Variants in RAB27A observed in about 807,000 individuals in gnomAD.
RAB27A encodes ras-related protein Rab-27A.
Under a neutral mutation model 20.8 loss-of-function variants are expected in RAB27A, and 17 were observed. The observed-to-expected ratio is 0.82, with a 90% CI of 0.56 to 1.23. RAB27A has a LOEUF of 1.23. Among genes scored for constraint, RAB27A ranks in the 50% most tolerant of loss-of-function variants. The pLI is 0.00. For missense variants in RAB27A, 277 were observed against 266.7 expected (o/e 1.04, Z -0.27); for synonymous variants, 85 against 92.8 (o/e 0.92, Z 0.48).
chr15:55,218,647 C>T (rs866287205), intron 6 of RAB27A, among the ~76,000 whole-genome samples: 1 of 152,142 alleles, frequency 6.6e-6, no homozygotes, highest in Non-Finnish European at 1.5e-5. Flanking sequence ...TAACCAGCAG[C>T]CTTCAGCAGG....
chr15:55,286,214 T>C (rs1277334379), intron 1 of RAB27A, among the ~76,000 whole-genome samples: 1 of 152,234 alleles, frequency 6.6e-6, no homozygotes, highest in Non-Finnish European at 1.5e-5. Context: ...GAATGATCCC[T>C]ATTGCTCTGT....
intron 6 of RAB27A, among the ~76,000 whole-genome samples, chr15:55,210,057 C>CATAT (rs373964215): frequency 7.3e-6 from 1 of 137,250 alleles, no homozygotes; most frequent in Non-Finnish European, 1.6e-5. Flanking sequence ...CATATATACA[C>CATAT]ATATGTGTGT....
At chr15:55,312,100 AG>A (rs1429258906) in intron 2 of RAB27A, among the ~76,000 whole-genome samples, 1 of 152,238 alleles carries the variant, frequency 6.6e-6, no homozygotes, top group African/African-American at 2.4e-5. Context: ...GGACGAACCC[AG>A]GCTCTTAGCC....
intron 6 of RAB27A, among the ~76,000 whole-genome samples, chr15:55,207,090 T>C (rs1430218180): frequency 6.6e-6 from 1 of 152,156 alleles, no homozygotes; most frequent in Non-Finnish European, 1.5e-5. Context: ...GTTAAAATAA[T>C]GGTATATTAA....
At chr15:55,245,041 A>C (rs1896634997) in intron 2 of RAB27A, among the ~76,000 whole-genome samples, 1 of 152,208 alleles carries the variant, frequency 6.6e-6, no homozygotes, top group South Asian at 2.1e-4. Context: ...ACATGGCATG[A>C]GGCAGGCTAG....
intron 3 of RAB27A, among the ~76,000 whole-genome samples, chr15:55,232,385 T>C (rs530154846): frequency 4.6e-5 from 7 of 152,266 alleles, no homozygotes; most frequent in African/African-American, 1.4e-4. Flanking sequence ...TCTGAGTTTC[T>C]AGAATAGACA....
At chr15:55,206,195 A>T in intron 6 of RAB27A, 1 of 364,110 alleles carries the variant, frequency 2.7e-6, no homozygotes, top group Non-Finnish European at 3.8e-6. Context: ...TGGGCAATAG[A>T]GTTAGACTGT....
intron 1 of RAB27A, among the ~76,000 whole-genome samples, chr15:55,275,938 A>AAG (rs1193057340): frequency 2.0e-5 from 3 of 151,036 alleles, no homozygotes; most frequent in Non-Finnish European, 3.0e-5. Flanking sequence ...AAAAAAAAAA[A>AAG]AACAAGAGAT....
intron 6 of RAB27A, among the ~76,000 whole-genome samples, chr15:55,221,651 T>C (rs550084594): frequency 1.5e-4 from 23 of 152,286 alleles, no homozygotes; most frequent in African/African-American, 4.6e-4. Context: ...TTTCCCAGAA[T>C]GCCCTTTCTG....
At position 55,205,418 on chromosome 15, in the gene RAB27A, C is replaced by T. The variant is rs1894592372; in HGVS notation, c.*89G>A. ...GGTGAGAAGCAATTTGTACACAATGCCCATTAATCTCTCACTGTGCCATGT... is the reference window on the plus strand; with the variant it reads ...GGTGAGAAGCAATTTGTACACAATGTCCATTAATCTCTCACTGTGCCATGT... On this transcript the variant is annotated 3_prime_UTR_variant, in exon 7 of 7. Coordinates refer to ENST00000336787, the MANE Select transcript of RAB27A (RefSeq NM_183235.3). 7.5e-7 allele frequency: 1 copy of T among 1,330,918 alleles called. No individual in the cohort carries two copies. Among genetic ancestry groups the T allele is most frequent in the East Asian group, 2.3e-5 (1 of 43,580 alleles). 82.4% of individuals were successfully genotyped at this position (1,330,918 alleles called of 1,614,324 possible). A position where few individuals can be genotyped will look rare whatever the true frequency, so the allele number is the denominator to read the frequency against.
rs1896958583 is a variant in RAB27A at position 55,253,212 on chromosome 15, C to G, written c.-23+16953G>C. 2.6e-5 allele frequency among the ~76,000 whole-genome samples: 4 copies of G among 150,996 alleles called. No individual in the cohort carries two copies. In the South Asian group the frequency reaches 8.4e-4, roughly 32 times the overall value. ...CCTATAATCCCAGCACTTTGGAAAG[C>G]CAAGGCTGACAGATCACCTGAGGTC... On this transcript the variant is annotated intron_variant, in intron 2 of 6. Transcript: ENST00000336787.
At chr15:55,302,710 G>A (rs1367871196) in intron 2 of RAB27A, among the ~76,000 whole-genome samples, 11 of 114,844 alleles carry the variant, frequency 9.6e-5, no homozygotes, top group South Asian at 2.9e-4. Context: ...GATGTGGGGA[G>A]CGCCTCTGCC....
At chr15:55,280,907 T>C (rs1183393770) in intron 1 of RAB27A, among the ~76,000 whole-genome samples, 1 of 152,202 alleles carries the variant, frequency 6.6e-6, no homozygotes, top group Non-Finnish European at 1.5e-5. Context: ...CAGTCTATCA[T>C]TGATGGACAT....
In RAB27A at chr15:55,203,094, ACCAAACTTAAATGATTT is replaced by A. The variant is rs756816847; in HGVS notation, c.*2396_*2412del. ...TGCACAAAAAATATAGTACTTCAAT[ACCAAACTTAAATGATTT>A]CCAAAAAGAATACAGGTTATTTCAA... On this transcript the variant is annotated 3_prime_UTR_variant, in exon 7 of 7. Coordinates refer to ENST00000336787, the MANE Select transcript of RAB27A (RefSeq NM_183235.3). 2.8e-4 allele frequency: 43 copies of A among 152,218 alleles called. No individual in the cohort carries two copies. Among genetic ancestry groups the A allele is most frequent in the Non-Finnish European group, 4.9e-4 (33 of 68,036 alleles). 9.4% of individuals were successfully genotyped at this position (152,218 alleles called of 1,614,324 possible).
chr15:55,279,606 G>C (rs1897961612), intron 1 of RAB27A, among the ~76,000 whole-genome samples: 4 of 152,148 alleles, frequency 2.6e-5, no homozygotes, highest in African/African-American at 7.2e-5. Context: ...CTGTAAAATA[G>C]GGATAATAAT....
chr15:55,282,345 G>C (rs1898038661), intron 1 of RAB27A, among the ~76,000 whole-genome samples: 1 of 152,172 alleles, frequency 6.6e-6, no homozygotes, highest in Non-Finnish European at 1.5e-5. Context: ...GCACAGCTCT[G>C]GATTTCTGGG....
chr15:55,280,836 C>G (rs1897998162), intron 1 of RAB27A, among the ~76,000 whole-genome samples: 1 of 152,098 alleles, frequency 6.6e-6, no homozygotes, highest in South Asian at 2.1e-4. Flanking sequence ...AGGACATGAA[C>G]TCATCCTTTT....
intron 1 of RAB27A, among the ~76,000 whole-genome samples, chr15:55,281,148 C>T (rs1898005819): frequency 1.3e-5 from 2 of 152,190 alleles, no homozygotes; most frequent in African/African-American, 4.8e-5. Context: ...CAAAAGCTCC[C>T]TGTGCCATTT....
intron 2 of RAB27A, among the ~76,000 whole-genome samples, chr15:55,249,321 C>T (rs1362193338): frequency 6.6e-6 from 1 of 152,186 alleles, no homozygotes; most frequent in African/African-American, 2.4e-5. Flanking sequence ...GTCACCCAGG[C>T]TGGAGTGCAC....
Sources: allele counts gnomAD v4.1 joint callset (sites outside exome capture counted in the v4.1 genomes callset), GRCh38; gene constraint gnomAD v4.1.1; transcripts MANE v1.5; gene names NCBI Gene and HGNC (gene_info 2026-07-23, HGNC 2026-07-21).